Variants in EXOC4 observed in about 807,000 individuals in gnomAD.
EXOC4 encodes SEC8-like 1.
EXOC4 carries 71 observed loss-of-function variants against 107.2 expected under a neutral mutation model. The ratio of observed to expected loss-of-function variants is 0.66; its 90% CI spans 0.55 to 0.81. EXOC4 has a LOEUF of 0.81. Among genes scored for constraint, EXOC4 ranks in the 30% least tolerant of loss-of-function variants. EXOC4 has a pLI of 0.00. For missense variants in EXOC4, 1,108 were observed against 1,189.6 expected (o/e 0.93, Z 1.01); for synonymous variants, 456 against 441.2 (o/e 1.03, Z -0.42).
intron 14 of EXOC4, among the ~76,000 whole-genome samples, chr7:133,960,750 A>C (rs556382192): frequency 6.6e-6 from 1 of 152,184 alleles, no homozygotes; most frequent in African/African-American, 2.4e-5. Context: ...TTTAGCATCT[A>C]TGTTCATCAG....
intron 9 of EXOC4, among the ~76,000 whole-genome samples, chr7:133,503,951 A>C (rs1799621506): frequency 1.3e-5 from 2 of 151,684 alleles, no homozygotes; most frequent in Non-Finnish European, 2.9e-5. Flanking sequence ...CTATTGTTAC[A>C]TGTGTGTGTG....
At chr7:133,836,133 A>G (rs1212835274) in intron 11 of EXOC4, among the ~76,000 whole-genome samples, 1 of 152,236 alleles carries the variant, frequency 6.6e-6, no homozygotes, top group African/African-American at 2.4e-5. Context: ...TGTTTTAACC[A>G]AACTCATACA....
At chr7:133,273,104 G>A (rs1447026575) in intron 1 of EXOC4, among the ~76,000 whole-genome samples, 1 of 151,998 alleles carries the variant, frequency 6.6e-6, no homozygotes, top group Non-Finnish European at 1.5e-5. Flanking sequence ...CTTACCTTTG[G>A]GACAGTTGAT....
chr7:133,480,475 T>A, intron 9 of EXOC4: 10 of 1,098,928 alleles, frequency 9.1e-6, no homozygotes, highest in Non-Finnish European at 1.1e-5. Context: ...TTCTAATTGT[T>A]GTTTTTGACA....
At chr7:133,820,748 C>A (rs1002264844) in intron 11 of EXOC4, among the ~76,000 whole-genome samples, 1 of 152,196 alleles carries the variant, frequency 6.6e-6, no homozygotes, top group African/African-American at 2.4e-5. Context: ...TCAGCCCAGC[C>A]GGATTCTCCA....
At chr7:134,013,023 TC>T (rs1214484977) in intron 17 of EXOC4, among the ~76,000 whole-genome samples, 2 of 152,208 alleles carry the variant, frequency 1.3e-5, no homozygotes, top group African/African-American at 4.8e-5. Context: ...CCTTTATCTT[TC>T]ATACACAACT....
At chr7:133,476,517 T>C (rs1799017115) in intron 8 of EXOC4, among the ~76,000 whole-genome samples, 1 of 152,206 alleles carries the variant, frequency 6.6e-6, no homozygotes, top group South Asian at 2.1e-4. Context: ...ATATCTTCTG[T>C]TGATTCACAT....
chr7:133,817,792 A>T (rs1042738924), intron 11 of EXOC4, among the ~76,000 whole-genome samples: 2 of 152,098 alleles, frequency 1.3e-5, no homozygotes, highest in Non-Finnish European at 2.9e-5. Context: ...GAATCTCATT[A>T]ACATGCAGGC....
intron 11 of EXOC4, among the ~76,000 whole-genome samples, chr7:133,868,963 G>A (rs921415401): frequency 1.3e-5 from 2 of 151,944 alleles, no homozygotes; most frequent in Non-Finnish European, 2.9e-5. Context: ...TGACTTAAAA[G>A]ACCCTGCCCT....
intron 7 of EXOC4, among the ~76,000 whole-genome samples, chr7:133,415,951 C>CT (rs559857296): frequency 1.7e-3 from 262 of 152,186 alleles, no homozygotes; most frequent in Non-Finnish European, 2.9e-3. Flanking sequence ...TCATAAAAGT[C>CT]TAAGTTGGAG....
chr7:134,046,144 A>G (rs1017588417), intron 17 of EXOC4, among the ~76,000 whole-genome samples: 1 of 152,162 alleles, frequency 6.6e-6, no homozygotes, highest in East Asian at 1.9e-4. Context: ...GACAAAGAGA[A>G]TACACCCTTA....
intron 10 of EXOC4, among the ~76,000 whole-genome samples, chr7:133,636,709 T>G (rs920004153): frequency 1.3e-5 from 2 of 152,198 alleles, no homozygotes; most frequent in South Asian, 2.1e-4. Context: ...GCTATGAGCA[T>G]TTTTCACTAG....
intron 17 of EXOC4, among the ~76,000 whole-genome samples, chr7:134,049,573 A>G (rs1214229556): frequency 2.0e-5 from 3 of 152,096 alleles, no homozygotes; most frequent in African/African-American, 7.2e-5. Context: ...TTCTCTATTA[A>G]GCCTTCCCTG....
At chr7:133,761,513 A>G (rs1796031949) in intron 10 of EXOC4, among the ~76,000 whole-genome samples, 1 of 151,974 alleles carries the variant, frequency 6.6e-6, no homozygotes. Flanking sequence ...AGACTTTAGA[A>G]CTCTTCATAT....
At chr7:133,846,009 T>C (rs1798119228) in intron 11 of EXOC4, among the ~76,000 whole-genome samples, 1 of 152,074 alleles carries the variant, frequency 6.6e-6, no homozygotes, top group Non-Finnish European at 1.5e-5. Flanking sequence ...TGCCTTTTAA[T>C]CCTCACAGTC....
At chr7:133,761,845 T>C (rs190827327) in intron 10 of EXOC4, among the ~76,000 whole-genome samples, 2 of 152,318 alleles carry the variant, frequency 1.3e-5, no homozygotes, top group Admixed American at 1.3e-4. Flanking sequence ...TTTTTACCTG[T>C]ACTGACCAAG....
At chr7:133,860,354 A>G (rs1031031719) in intron 11 of EXOC4, among the ~76,000 whole-genome samples, 1 of 152,190 alleles carries the variant, frequency 6.6e-6, no homozygotes, top group Non-Finnish European at 1.5e-5. Context: ...TTACACTGTC[A>G]AGCTAACAGA....
At chr7:133,782,895 A>T (rs1371273143) in intron 10 of EXOC4, among the ~76,000 whole-genome samples, 1 of 152,160 alleles carries the variant, frequency 6.6e-6, no homozygotes, top group Non-Finnish European at 1.5e-5. Context: ...TGGATTCTGT[A>T]TGGTCACTCG....
At chr7:133,399,249 TA>T (rs1429010083) in intron 7 of EXOC4, among the ~76,000 whole-genome samples, 1 of 152,226 alleles carries the variant, frequency 6.6e-6, no homozygotes, top group Non-Finnish European at 1.5e-5. Flanking sequence ...TTGGAGAATT[TA>T]TTTTTTTGTA....
Sources: allele counts gnomAD v4.1 joint callset (sites outside exome capture counted in the v4.1 genomes callset), GRCh38; gene constraint gnomAD v4.1.1; transcripts MANE v1.5; gene names NCBI Gene and HGNC (gene_info 2026-07-23, HGNC 2026-07-21).